Variants in NPAS3 observed in about 807,000 individuals in gnomAD.
The protein encoded by NPAS3 is neuronal PAS domain protein 3.
Under a neutral mutation model 73.1 loss-of-function variants are expected in NPAS3, and 14 were observed. That is an observed-to-expected ratio of 0.19 (90% CI 0.13 to 0.30). The LOEUF is 0.30. Among genes scored for constraint, NPAS3 ranks in the 10% least tolerant of loss-of-function variants. The pLI is 1.00. For synonymous variants in NPAS3, 620 were observed against 541.5 expected (o/e 1.14, Z -2.01); for missense variants, 1,096 against 1,250.0 (o/e 0.88, Z 1.86).
downstream of NPAS3, chr14:33,801,153 G>GTAC: frequency 6.5e-7 from 1 of 1,534,136 alleles, no homozygotes; most frequent in Admixed American, 2.2e-5. Context: ...CTTGGAGGAG[G>GTAC]CATCGTCGGC....
At chr14:33,417,381 C>T (rs190093592) in intron 4 of NPAS3, among the ~76,000 whole-genome samples, 43 of 152,026 alleles carry the variant, frequency 2.8e-4, no homozygotes, top group African/African-American at 8.0e-4. Context: ...CAGCCTGATC[C>T]GACATGGACC....
intron 2 of NPAS3, among the ~76,000 whole-genome samples, chr14:33,211,816 C>T (rs1001174379): frequency 1.7e-4 from 26 of 152,084 alleles, no homozygotes; most frequent in African/African-American, 5.6e-4. Flanking sequence ...TTGAAATTTT[C>T]ATTTGCTGGG....
chr14:33,508,386 G>A (rs1179298917), intron 4 of NPAS3, among the ~76,000 whole-genome samples: 2 of 152,056 alleles, frequency 1.3e-5, no homozygotes, highest in Non-Finnish European at 1.5e-5. Context: ...AAGCAATGCC[G>A]AAAAGGGGGC....
rs72682342 is a variant in NPAS3 at position 33,647,269 on chromosome 14, A to T, written c.559-28942A>T. Among the ~76,000 whole-genome samples, 220 of 148,154 alleles carry T rather than the reference A, an allele frequency of 1.5e-3. 2 individuals carry two copies. The highest frequency in any genetic ancestry group is 7.9e-3 in the Admixed American group (117 of 14,848). On this transcript the variant is annotated intron_variant, in intron 5 of 11. Coordinates refer to ENST00000356141, the Ensembl canonical transcript of NPAS3. The stretch of plus-strand genomic sequence containing the variant: ...CTTACTCAGTTTATTACATCTTCTT[A>T]CTCTCTCTCTCTCTCTCTCTCTATA...
At chr14:33,258,970 T>C (rs563659856) in intron 3 of NPAS3, among the ~76,000 whole-genome samples, 3 of 152,216 alleles carry the variant, frequency 2.0e-5, no homozygotes, top group East Asian at 3.9e-4. Flanking sequence ...CCCGCCACCA[T>C]GCCCAGCTAA....
exon 3 of NPAS3, chr14:33,215,380 G>C (rs199601902): frequency 1.2e-6 from 2 of 1,613,892 alleles, no homozygotes; most frequent in East Asian, 4.5e-5. Flanking sequence ...GGGACCCTCC[G>C]TGGAACTTGC....
chr14:33,187,303 G>C (rs2046012251), intron 2 of NPAS3, among the ~76,000 whole-genome samples: 1 of 152,106 alleles, frequency 6.6e-6, no homozygotes, highest in Non-Finnish European at 1.5e-5. Context: ...TCTGTACCTT[G>C]TTCTTCATGC....
chr14:33,401,847 G>C (rs924158605), intron 4 of NPAS3, among the ~76,000 whole-genome samples: 5 of 152,064 alleles, frequency 3.3e-5, no homozygotes, highest in African/African-American at 1.2e-4. Flanking sequence ...GGAGGCTCCA[G>C]CAGATCTTTG....
chr14:33,513,010 A>G (rs868052778), intron 4 of NPAS3, among the ~76,000 whole-genome samples: 14 of 152,026 alleles, frequency 9.2e-5, no homozygotes, highest in Admixed American at 3.9e-4. Context: ...CTCCAGCAAT[A>G]AGAAGTTTTA....
intron 3 of NPAS3, among the ~76,000 whole-genome samples, chr14:33,261,623 G>C (rs796687733): frequency 1.8e-4 from 27 of 152,040 alleles, no homozygotes; most frequent in African/African-American, 6.3e-4. Flanking sequence ...GACTCTTTTA[G>C]GTATTCAGAA....
At position 33,066,652 on chromosome 14, in the gene NPAS3, G is replaced by A. The variant is rs765609411; in HGVS notation, c.140+10658G>A. On this transcript the variant is annotated intron_variant, in intron 2 of 11. Coordinates refer to ENST00000356141, the Ensembl canonical transcript of NPAS3. ...ACATAAATGTTTGCTGTGGTACAGA[G>A]TGTCCTGAGAATGCAAGACTCTGAA... Among the ~76,000 whole-genome samples, 154 of 152,174 alleles carry A rather than the reference G, an allele frequency of 1.0e-3. 1 individual carries two copies. Among genetic ancestry groups the A allele is most frequent in the Non-Finnish European group, 1.7e-3 (115 of 68,034 alleles).
intron 4 of NPAS3, among the ~76,000 whole-genome samples, chr14:33,394,164 C>T (rs1288375211): frequency 6.6e-6 from 1 of 152,070 alleles, no homozygotes; most frequent in African/African-American, 2.4e-5. Flanking sequence ...CAGATGAAAT[C>T]GCCTGCTGTC....
Position 33,597,528 on chromosome 14 carries a change from G to A in NPAS3, c.558+37318G>A, listed in dbSNP as rs74487234. 0.013 allele frequency among the ~76,000 whole-genome samples: 2,015 copies of A among 152,320 alleles called. 108 individuals carry two copies. The East Asian group carries it at 0.19, about 15-fold the overall frequency. On this transcript the variant is annotated intron_variant, in intron 5 of 11. Transcript: ENST00000356141. ...TCATGGCATCTCAATTTGAAGAAAA[G>A]TCAGTTGATTTAGAAACAGGTTTAG...
At chr14:33,028,064 G>T (rs1446217265) in intron 1 of NPAS3, among the ~76,000 whole-genome samples, 1 of 152,096 alleles carries the variant, frequency 6.6e-6, no homozygotes, top group Non-Finnish European at 1.5e-5. Context: ...ATGAATTCAA[G>T]AAGTTTTTTG....
At chr14:33,704,014 T>C (rs145323467) in intron 6 of NPAS3, among the ~76,000 whole-genome samples, 3,048 of 152,330 alleles carry the variant, frequency 0.02, 46 homozygotes, top group Non-Finnish European at 0.03. Flanking sequence ...TTTTACTTTC[T>C]AAGCCTCAAT....
chr14:33,310,717 A>T (rs1382324685), intron 3 of NPAS3, among the ~76,000 whole-genome samples: 1 of 151,756 alleles, frequency 6.6e-6, no homozygotes, highest in African/African-American at 2.4e-5. Flanking sequence ...AGTCCTTGTT[A>T]AAAAGATGAA....
intron 2 of NPAS3, among the ~76,000 whole-genome samples, chr14:33,056,673 T>A (rs956770087): frequency 6.6e-6 from 1 of 152,210 alleles, no homozygotes; most frequent in Non-Finnish European, 1.5e-5. Flanking sequence ...TAATATATCA[T>A]AGTTGGACTT....
At chr14:33,365,323 T>C (rs1373333927) in intron 3 of NPAS3, among the ~76,000 whole-genome samples, 1 of 151,894 alleles carries the variant, frequency 6.6e-6, no homozygotes, top group East Asian at 1.9e-4. Context: ...GACAGCTGCA[T>C]TATCAAAAAT....
intron 4 of NPAS3, among the ~76,000 whole-genome samples, chr14:33,402,694 T>A (rs999369042): frequency 3.9e-5 from 6 of 152,180 alleles, no homozygotes; most frequent in Non-Finnish European, 7.4e-5. Context: ...TTTTCACAAC[T>A]CTGTCATCAC....
Sources: gnomAD v4.1 joint callset for allele counts (sites outside exome capture counted in the v4.1 genomes callset) on GRCh38, gnomAD v4.1.1 for gene constraint, MANE v1.5 for transcripts, NCBI Gene and HGNC (gene_info 2026-07-23, HGNC 2026-07-21) for gene names.